Variants in FAM234A observed in about 807,000 individuals in gnomAD.
FAM234A encodes the protein protein FAM234A.
Under a neutral mutation model 49.1 loss-of-function variants are expected in FAM234A, and 42 were observed. That is an observed-to-expected ratio of 0.86 (90% CI 0.67 to 1.11). The LOEUF is 1.11. Ranked by LOEUF, FAM234A falls within the 50% of genes least tolerant of loss-of-function variation. The probability of loss-of-function intolerance (pLI) is 0.00; values close to 1 mark genes in which losing one functional copy is unlikely to be tolerated. For missense variants in FAM234A, 815 were observed against 745.2 expected (o/e 1.09, Z -1.09); for synonymous variants, 369 against 316.2 (o/e 1.17, Z -1.77).
At chr16:254,251 T>G in intron 2 of FAM234A, 130 bp from the exon 3 acceptor site, 1 of 713,296 alleles carries the variant, frequency 1.4e-6, no homozygotes. Flanking sequence ...AGCTTTTATT[T>G]CCTGGGCTGG....
intron 1 of FAM234A, among the ~76,000 whole-genome samples, chr16:243,059 C>A (rs925721653): frequency 6.6e-6 from 1 of 151,680 alleles, no homozygotes; most frequent in African/African-American, 2.4e-5. Flanking sequence ...CAGCTCACTG[C>A]AGCCTCAACC....
In FAM234A at chr16:256,673, C is replaced by T. The variant is rs150153703; in HGVS notation, c.268+1992C>T. The stretch of plus-strand genomic sequence containing the variant: ...GCAACCTCTGCCTCCCAGGTTCAAG[C>T]GATTCTCCTGCCTCAGCCTCCCAAG... On this transcript the variant is annotated intron_variant, in intron 3 of 12. Coordinates refer to ENST00000399932, the MANE Select transcript of FAM234A (RefSeq NM_032039.4). Among the ~76,000 whole-genome samples the T allele has an allele frequency of 5.2e-3, 786 of 151,408 alleles. 43 individuals carry two copies. The East Asian group carries it at 0.11, about 22-fold the overall frequency.
chr16:266,533 G>A (rs781584451), downstream of FAM234A, among the ~76,000 whole-genome samples: 18 of 152,272 alleles, frequency 1.2e-4, no homozygotes, highest in South Asian at 2.1e-4. Flanking sequence ...TGGGTGTGGC[G>A]GCAGTGAGGG....
chr16:266,345 C>G (rs1230870668), downstream of FAM234A, among the ~76,000 whole-genome samples: 1 of 152,226 alleles, frequency 6.6e-6, no homozygotes, highest in Non-Finnish European at 1.5e-5. Flanking sequence ...AAGCTGGGCA[C>G]CCTGGCCCCA....
chr16:244,218 T>G (rs1353036911), intron 1 of FAM234A, among the ~76,000 whole-genome samples: 1 of 152,164 alleles, frequency 6.6e-6, no homozygotes, highest in African/African-American at 2.4e-5. Context: ...TCCACCCGCC[T>G]TGGCCTCCCA....
chr16:262,873 G>A (rs1326744140), intron 8 of FAM234A, among the ~76,000 whole-genome samples: 3 of 148,408 alleles, frequency 2.0e-5, no homozygotes, highest in African/African-American at 7.5e-5. Context: ...AGGCTGGAGT[G>A]CAGTGGTGCG....
chr16:267,738 CAG>C (rs775411429), downstream of FAM234A, among the ~76,000 whole-genome samples: 6 of 133,462 alleles, frequency 4.5e-5, no homozygotes, highest in Non-Finnish European at 7.8e-5. Context: ...ACGTGTGCCT[CAG>C]TGCTACACAT....
intron 2 of FAM234A, among the ~76,000 whole-genome samples, chr16:252,040 G>A (rs889941153): frequency 1.4e-5 from 2 of 147,510 alleles, no homozygotes; most frequent in Non-Finnish European, 3.0e-5. Flanking sequence ...TCTCTCTGTT[G>A]CCCAGGCTAG....
At chr16:252,335 C>G (rs1030520517) in intron 2 of FAM234A, among the ~76,000 whole-genome samples, 1 of 151,920 alleles carries the variant, frequency 6.6e-6, no homozygotes, top group Admixed American at 6.6e-5. Context: ...GCGCCCGCCA[C>G]CATGCCCAGC....
At chr16:250,064 GCCT>G (rs1417191657) in intron 2 of FAM234A, among the ~76,000 whole-genome samples, 80 of 152,146 alleles carry the variant, frequency 5.3e-4, no homozygotes, top group Non-Finnish European at 7.4e-5. Context: ...TCCTGCCGCA[GCCT>G]CCTATAGGCG....
At chr16:262,055 A>C in intron 6 of FAM234A, 38 bp from the exon 7 acceptor site, 1 of 1,569,602 alleles carries the variant, frequency 6.4e-7, no homozygotes, top group East Asian at 2.4e-5. Flanking sequence ...CCCCAGGCTC[A>C]GGTCCCTCTC....
At chr16:241,905 CAA>C (rs370983209) in intron 1 of FAM234A, among the ~76,000 whole-genome samples, 3,905 of 78,990 alleles carry the variant, frequency 0.049, 125 homozygotes, top group East Asian at 0.15. Context: ...GACAACGTCT[CAA>C]AAAAAAAAAA....
rs113846138 is a variant in FAM234A, at chr16:239,977, A to G, written c.-140+5120A>G. On this transcript the variant is annotated intron_variant, in intron 1 of 12. Transcript: ENST00000399932. ...TCTTGAGATTATTCTTGGTGGAGAG[A>G]GAAATAGCTGCTTGCTGTAAACAAC... Among the ~76,000 whole-genome samples the G allele has an allele frequency of 6.7e-3, 1,022 of 152,240 alleles. 12 individuals carry two copies. Among genetic ancestry groups the G allele is most frequent in the African/African-American group, 0.024 (979 of 41,540 alleles).
At chr16:239,366 C>A (rs530174724) in intron 1 of FAM234A, among the ~76,000 whole-genome samples, 70 of 150,972 alleles carry the variant, frequency 4.6e-4, no homozygotes, top group African/African-American at 1.7e-3. Flanking sequence ...GTAATCCCAG[C>A]ACTTTGGGAG....
chr16:269,517 C>T, downstream of FAM234A: 2 of 1,613,254 alleles, frequency 1.2e-6, no homozygotes. Context: ...TCTTCATCTC[C>T]AGCGGGATCC....
chr16:242,174 G>C (rs888012033), intron 1 of FAM234A, among the ~76,000 whole-genome samples: 2 of 152,176 alleles, frequency 1.3e-5, no homozygotes, highest in Admixed American at 6.5e-5. Flanking sequence ...AGGACAGATA[G>C]GTGTGGCAGC....
intron 8 of FAM234A, 117 bp from the exon 9 acceptor site, chr16:263,145 A>C: frequency 3.2e-6 from 4 of 1,261,132 alleles, no homozygotes; most frequent in Non-Finnish European, 4.4e-6. Context: ...TAGAACTGAG[A>C]AACGGGTTAT....
At chr16:240,571 C>T (rs1039417613) in intron 1 of FAM234A, among the ~76,000 whole-genome samples, 2 of 151,088 alleles carry the variant, frequency 1.3e-5, no homozygotes, top group Non-Finnish European at 2.9e-5. Flanking sequence ...GGTGCGATCT[C>T]AGCTCACTGC....
rs2051466226 is a variant in FAM234A, at chr16:261,519, A to C, written c.708+5A>C. The C allele has an allele frequency of 6.3e-7, 1 of 1,592,810 alleles. No individual in the cohort carries two copies. Among genetic ancestry groups the C allele is most frequent in the African/African-American group, 1.3e-5 (1 of 74,642 alleles). ...CTCACCCAGGAGCGGGAGGAGGTACATCCCAGCCTGGCTCTGCTCCCAAGT... is the reference window on the plus strand; with the variant it reads ...CTCACCCAGGAGCGGGAGGAGGTACCTCCCAGCCTGGCTCTGCTCCCAAGT... On this transcript the variant is annotated splice_donor_5th_base_variant and intron_variant, in intron 6 of 12. Transcript: ENST00000399932.
Sources: gnomAD v4.1 joint callset for allele counts (sites outside exome capture counted in the v4.1 genomes callset) on GRCh38, gnomAD v4.1.1 for gene constraint, MANE v1.5 for transcripts, NCBI Gene and HGNC (gene_info 2026-07-23, HGNC 2026-07-21) for gene names.